The following PPARGC1A variants were observed in gnomAD, a reference collection of about 807,000 sequenced individuals.
The protein encoded by PPARGC1A is PPARG coactivator 1 alpha, also known as peroxisome proliferator-activated receptor gamma coactivator 1-alpha.
In PPARGC1A, 25 loss-of-function variants were observed where a neutral mutation model predicts 88.7. The observed-to-expected ratio is 0.28, with a 90% CI of 0.21 to 0.39. The LOEUF (loss-of-function observed/expected upper bound fraction) is 0.39. Among genes scored for constraint, PPARGC1A ranks in the 10% least tolerant of loss-of-function variants. The pLI is 1.00. For missense variants in PPARGC1A, 880 were observed against 968.7 expected (o/e 0.91, Z 1.22); for synonymous variants, 363 against 355.6 (o/e 1.02, Z -0.24).
chr4:24,304,071 T>C, the PPARGC1A span, among the ~76,000 whole-genome samples: 8 of 152,204 alleles, frequency 5.3e-5, no homozygotes, highest in African/African-American at 1.7e-4. Flanking sequence ...CAAGCTTCTG[T>C]TCTGGAAGAC....
chr4:24,382,196 A>G, the PPARGC1A span, among the ~76,000 whole-genome samples: 1 of 152,206 alleles, frequency 6.6e-6, no homozygotes, highest in East Asian at 1.9e-4. Flanking sequence ...AATTGTAGAC[A>G]TTAACTTAAT....
the PPARGC1A span, among the ~76,000 whole-genome samples, chr4:23,974,434 C>G: frequency 6.6e-6 from 1 of 152,126 alleles, no homozygotes. Flanking sequence ...AATCCTGTCT[C>G]TCGTGTTCAC....
the PPARGC1A span, among the ~76,000 whole-genome samples, chr4:23,919,684 C>G: frequency 1.3e-4 from 20 of 152,214 alleles, no homozygotes; most frequent in East Asian, 3.3e-3. Context: ...AGTCCATCCT[C>G]TTACTAATAG....
In PPARGC1A at chr4:23,792,785, C is replaced by CAAAA. The variant is rs926925899; in HGVS notation, c.*3033_*3036dup. ...CGTGTTCATTTGAAATATTCTCTCC[C>CAAAA]AAAAAAATAAAAATAAAAATGAGAG... On this transcript the variant is annotated 3_prime_UTR_variant, in exon 13 of 13. Transcript: ENST00000264867. The CAAAA allele has an allele frequency of 2.6e-5, 4 of 152,328 alleles. No homozygotes were observed. The East Asian group carries it at 7.7e-4, about 29-fold the overall frequency. 9.4% of individuals were successfully genotyped at this position (152,328 alleles called of 1,614,324 possible). A position where few individuals can be genotyped will look rare whatever the true frequency, so the allele number is the denominator to read the frequency against.
chr4:24,100,763 T>C, the PPARGC1A span, among the ~76,000 whole-genome samples: 1 of 152,096 alleles, frequency 6.6e-6, no homozygotes. Flanking sequence ...AAAAAATATA[T>C]AATTTACAGG....
the PPARGC1A span, among the ~76,000 whole-genome samples, chr4:24,289,400 C>T: frequency 6.6e-6 from 1 of 152,044 alleles, no homozygotes; most frequent in Non-Finnish European, 1.5e-5. Context: ...AAGGTTGGCC[C>T]CTCTAACATG....
chr4:24,419,467 T>G, the PPARGC1A span, among the ~76,000 whole-genome samples: 1 of 144,548 alleles, frequency 6.9e-6, no homozygotes, highest in Non-Finnish European at 1.5e-5. Context: ...ATACACAAAG[T>G]ATGCAATAGA....
chr4:24,455,824 G>C, the PPARGC1A span, among the ~76,000 whole-genome samples: 1 of 152,204 alleles, frequency 6.6e-6, no homozygotes, highest in Non-Finnish European at 1.5e-5. Flanking sequence ...CCAAACATCA[G>C]CACCATGCTC....
At chr4:24,345,578 G>T in the PPARGC1A span, among the ~76,000 whole-genome samples, 5 of 151,976 alleles carry the variant, frequency 3.3e-5, no homozygotes, top group Admixed American at 1.3e-4. Flanking sequence ...TTCATTCTCT[G>T]CTTGGTCGCT....
the PPARGC1A span, among the ~76,000 whole-genome samples, chr4:24,335,570 G>C: frequency 6.6e-6 from 1 of 152,184 alleles, no homozygotes. Context: ...GTAGAAAAAA[G>C]TGATACCTCA....
chr4:24,229,152 CTTTT>C, the PPARGC1A span, among the ~76,000 whole-genome samples: 15 of 60,894 alleles, frequency 2.5e-4, no homozygotes, highest in Admixed American at 7.8e-4. Flanking sequence ...GTATCTGGAC[CTTTT>C]TTTTTTTTTT....
At chr4:24,333,934 CAACAACAA>C in the PPARGC1A span, among the ~76,000 whole-genome samples, 20 of 14,150 alleles carry the variant, frequency 1.4e-3, no homozygotes, top group Non-Finnish European at 3.2e-3. Context: ...ACTCCAACAA[CAACAACAA>C]AAAAAAAAAA....
chr4:23,947,466 G>C, the PPARGC1A span, among the ~76,000 whole-genome samples: 4 of 149,172 alleles, frequency 2.7e-5, no homozygotes, highest in African/African-American at 1.0e-4. Context: ...CACGCTGCTG[G>C]TAAGAAGTGA....
At chr4:23,911,676 T>A in the PPARGC1A span, among the ~76,000 whole-genome samples, 42 of 152,262 alleles carry the variant, frequency 2.8e-4, no homozygotes, top group African/African-American at 1.0e-3. Flanking sequence ...ACAGTGTCCA[T>A]CAAGGACTAG....
At chr4:24,272,680 A>T in the PPARGC1A span, among the ~76,000 whole-genome samples, 1 of 152,128 alleles carries the variant, frequency 6.6e-6, no homozygotes, top group Admixed American at 6.5e-5. Flanking sequence ...AGAACCCCCA[A>T]CGTCATCATA....
chr4:24,227,033 T>A, the PPARGC1A span, among the ~76,000 whole-genome samples: 1 of 152,102 alleles, frequency 6.6e-6, no homozygotes, highest in Non-Finnish European at 1.5e-5. Flanking sequence ...GAAAACCACA[T>A]ACTTTGCATT....
At chr4:24,167,058 C>T in the PPARGC1A span, among the ~76,000 whole-genome samples, 1 of 152,120 alleles carries the variant, frequency 6.6e-6, no homozygotes, top group South Asian at 2.1e-4. Context: ...AATTGAAAAC[C>T]TTCTGCAAAG....
chr4:24,211,137 C>G, the PPARGC1A span, among the ~76,000 whole-genome samples: 1 of 152,166 alleles, frequency 6.6e-6, no homozygotes, highest in South Asian at 2.1e-4. Flanking sequence ...CCAGAGCCTG[C>G]CTAGCACGTG....
the PPARGC1A span, among the ~76,000 whole-genome samples, chr4:24,329,461 A>G: frequency 7.2e-5 from 11 of 151,852 alleles, no homozygotes; most frequent in Admixed American, 1.3e-4. Context: ...CTCAACCACA[A>G]TGGCCACCAC....
Sources: gnomAD v4.1 joint callset for allele counts (sites outside exome capture counted in the v4.1 genomes callset) on GRCh38, gnomAD v4.1.1 for gene constraint, MANE v1.5 for transcripts, NCBI Gene and HGNC (gene_info 2026-07-23, HGNC 2026-07-21) for gene names.